Variants in USP24 observed in about 807,000 individuals in gnomAD.
USP24 encodes the protein ubiquitin carboxyl-terminal hydrolase 24.
USP24 carries 97 observed loss-of-function variants against 361.6 expected under a neutral mutation model. The observed-to-expected ratio is 0.27, with a 90% CI of 0.23 to 0.32. The LOEUF (loss-of-function observed/expected upper bound fraction) is 0.32. USP24 is among the 10% of genes least tolerant of loss of function. USP24 has a pLI of 1.00. For missense variants in USP24, 2,353 were observed against 3,165.6 expected (o/e 0.74, Z 6.16); for synonymous variants, 1,098 against 1,124.6 (o/e 0.98, Z 0.47).
rs146125744 is a variant in USP24, at chr1:55,191,632, A to T, written c.325-13500T>A. ...CAGCCTCCTGAGTAGCTGGGATTAC[A>T]GGCGCCTGCCACCACGTCCGGCTAA... On this transcript the variant is annotated intron_variant, in intron 1 of 67. Transcript: ENST00000294383. 4.0e-3 allele frequency among the ~76,000 whole-genome samples: 607 copies of T among 151,944 alleles called. 4 individuals are homozygous for T. Among genetic ancestry groups the T allele is most frequent in the African/African-American group, 0.013 (536 of 41,438 alleles).
At chr1:55,144,022 C>CA in intron 21 of USP24, 105 bp downstream of exon 21, 2 of 939,136 alleles carry the variant, frequency 2.1e-6, no homozygotes, top group Non-Finnish European at 3.0e-6. Context: ...TGTTCTTTAC[C>CA]AAAAAAATCC....
chr1:55,092,330 T>C (rs527597903), intron 53 of USP24, among the ~76,000 whole-genome samples: 1 of 152,350 alleles, frequency 6.6e-6, no homozygotes, highest in Admixed American at 6.5e-5. Context: ...AGAAAAGACA[T>C]TGTCTTCATT....
intron 21 of USP24, among the ~76,000 whole-genome samples, 194 bp from the exon 22 acceptor site, chr1:55,143,313 A>C (rs74073049): frequency 0.037 from 5,685 of 152,280 alleles, 339 homozygotes; most frequent in African/African-American, 0.13. Flanking sequence ...CCACAGAAGC[A>C]CTGGGCAAAT....
chr1:55,142,893 T>C, intron 22 of USP24, 86 bp downstream of exon 22: 1 of 1,429,476 alleles, frequency 7.0e-7, no homozygotes. Context: ...TTTTTGGTCA[T>C]GCCAAGGATC....
intron 37 of USP24, 36 bp downstream of exon 37, chr1:55,121,400 C>A: frequency 6.3e-7 from 1 of 1,583,882 alleles, no homozygotes; most frequent in Non-Finnish European, 8.6e-7. Flanking sequence ...ACAACAGGAC[C>A]AAAGGAGTTT....
intron 5 of USP24, 46 bp downstream of exon 5, chr1:55,171,510 T>C: frequency 6.4e-7 from 1 of 1,555,042 alleles, no homozygotes; most frequent in Non-Finnish European, 8.7e-7. Flanking sequence ...AAATCTTCTT[T>C]TTCAATACAT....
At chr1:55,093,418 C>T (rs1443082406) in intron 52 of USP24, 1 of 155,956 alleles carries the variant, frequency 6.4e-6, no homozygotes, top group Non-Finnish European at 1.4e-5. Flanking sequence ...CTGGCACATA[C>T]TTCTTCTTTT....
At chr1:55,131,033 C>A (rs1235569801) in intron 31 of USP24, among the ~76,000 whole-genome samples, 2 of 152,156 alleles carry the variant, frequency 1.3e-5, no homozygotes, top group Non-Finnish European at 2.9e-5. Flanking sequence ...TAGTTGATGA[C>A]AAGCTAGACC....
intron 62 of USP24, 93 bp from the exon 63 acceptor site, chr1:55,075,616 T>G (rs1296415232): frequency 1.2e-6 from 1 of 804,096 alleles, no homozygotes; most frequent in African/African-American, 1.8e-5. Flanking sequence ...AGAGATTAAT[T>G]TAGTGTTTGA....
At chr1:55,155,572 C>A (rs1040874021) in intron 12 of USP24, among the ~76,000 whole-genome samples, 73 of 152,262 alleles carry the variant, frequency 4.8e-4, no homozygotes, top group African/African-American at 1.5e-3. Flanking sequence ...AACGTCAAGA[C>A]ATGGGAAGTA....
intron 7 of USP24, among the ~76,000 whole-genome samples, chr1:55,162,572 A>G (rs1279242911): frequency 6.6e-6 from 1 of 152,194 alleles, no homozygotes; most frequent in East Asian, 1.9e-4. Flanking sequence ...AAAAAAGGAG[A>G]GAATAGCTGA....
At chr1:55,178,741 C>T (rs1650267140) in intron 1 of USP24, among the ~76,000 whole-genome samples, 1 of 151,190 alleles carries the variant, frequency 6.6e-6, no homozygotes, top group Non-Finnish European at 1.5e-5. Context: ...AAAGAACTGT[C>T]TAGGCCGGAC....
chr1:55,157,765 C>T (rs189806425), intron 10 of USP24, among the ~76,000 whole-genome samples: 13 of 148,530 alleles, frequency 8.8e-5, no homozygotes, highest in Non-Finnish European at 5.9e-5. Flanking sequence ...ACCTAGGAGG[C>T]GGAGGTTGCA....
rs114853420 is a variant in USP24 at position 55,126,542 on chromosome 1, G to A, written c.3636-784C>T. ...ATCTACTCACTGCTCTGTTCTCATT[G>A]CTTAAGAACAATATCTGGTACATGA... On this transcript the variant is annotated intron_variant, in intron 32 of 67. Transcript: ENST00000294383. 7.6e-3 allele frequency among the ~76,000 whole-genome samples: 1,152 copies of A among 152,272 alleles called. 10 individuals are homozygous for A. Among genetic ancestry groups the A allele is most frequent in the African/African-American group, 0.027 (1,116 of 41,544 alleles).
At chr1:55,189,333 C>A (rs754611968) in intron 1 of USP24, among the ~76,000 whole-genome samples, 2 of 152,084 alleles carry the variant, frequency 1.3e-5, no homozygotes, top group Non-Finnish European at 2.9e-5. Flanking sequence ...TATTTTTTAG[C>A]TCTAAAAATG....
At chr1:55,098,328 C>A in intron 46 of USP24, 148 bp downstream of exon 46, 1 of 873,506 alleles carries the variant, frequency 1.1e-6, no homozygotes, top group Non-Finnish European at 1.7e-6. Context: ...AAGTAGAAAG[C>A]AAAGAAATTT....
intron 1 of USP24, among the ~76,000 whole-genome samples, chr1:55,189,141 C>G (rs1197775709): frequency 6.6e-6 from 1 of 152,084 alleles, no homozygotes; most frequent in African/African-American, 2.4e-5. Flanking sequence ...CATAACAATT[C>G]CATTCATACA....
chr1:55,091,824 T>G (rs1182449733), intron 54 of USP24, among the ~76,000 whole-genome samples, 199 bp downstream of exon 54: 8 of 152,222 alleles, frequency 5.3e-5, no homozygotes, highest in Non-Finnish European at 1.0e-4. Flanking sequence ...TGGTATAAAT[T>G]GTCTTTTTAG....
At chr1:55,087,003 A>C (rs1183978540) in intron 55 of USP24, among the ~76,000 whole-genome samples, 2 of 152,234 alleles carry the variant, frequency 1.3e-5, no homozygotes, top group African/African-American at 4.8e-5. Flanking sequence ...ATTTACTATG[A>C]ATTAATTTTT....
Sources: allele counts gnomAD v4.1 joint callset (sites outside exome capture counted in the v4.1 genomes callset), GRCh38; gene constraint gnomAD v4.1.1; transcripts MANE v1.5; gene names NCBI Gene and HGNC (gene_info 2026-07-23, HGNC 2026-07-21).